CAPN13: variants seen among roughly 807,000 people sequenced by gnomAD.
CAPN13 encodes the protein calpain 13, also known as calpain-13.
CAPN13 carries 90 observed loss-of-function variants against 98.4 expected under a neutral mutation model. The observed-to-expected ratio is 0.92, with a 90% confidence interval of 0.77 to 1.09. The LOEUF is 1.09. CAPN13 is among the 50% of genes least tolerant of loss of function. CAPN13 has a pLI of 0.00. For missense variants in CAPN13, 887 were observed against 841.3 expected, an observed-to-expected ratio of 1.05 and a Z score of -0.67; for synonymous variants, 330 against 305.5, an observed-to-expected ratio of 1.08 and a Z score of -0.84.
At chr2:30,761,839 T>C (rs1056699362) in intron 7 of CAPN13, among the ~76,000 whole-genome samples, 17 of 152,040 alleles carry the variant, frequency 1.1e-4, no homozygotes, top group African/African-American at 4.1e-4. Flanking sequence ...CTCAGGTCCA[T>C]GGACAAGAGA....
In CAPN13 at chr2:30,738,413, C is replaced by T. The variant is rs1331164048; in HGVS notation, c.1581G>A (p.Gln527=). The T allele has an allele frequency of 1.2e-6, 2 of 1,608,752 alleles. No homozygotes were observed. Among genetic ancestry groups the T allele is most frequent in the Admixed American group, 3.4e-5 (2 of 59,196 alleles). Residue 527 remains glutamine, a synonymous_variant, in exon 16 of 23, where the codon CAG becomes CAA. Transcript: ENST00000295055. ...DATQLQGLLN[Q]ELLTGPPGDM... Reference sequence around the variant, plus strand: ...GGCTGCTCATACCTGTTAGAAGCTCCTGGTTGAGAAGGCCCTGAAGCTGGG... The same window carrying T: ...GGCTGCTCATACCTGTTAGAAGCTCTTGGTTGAGAAGGCCCTGAAGCTGGG...
intron 7 of CAPN13, among the ~76,000 whole-genome samples, chr2:30,759,019 TATTCTTCCTTCCCTCCCTCCCTCC>T: frequency 9.5e-6 from 1 of 104,904 alleles, no homozygotes; most frequent in Non-Finnish European, 1.9e-5. Flanking sequence ...TCCCTGCTCC[TATTCTTCCTTCCCTCCCTCCCTCC>T]TTCCTTCCTT....
intron 7 of CAPN13, among the ~76,000 whole-genome samples, chr2:30,760,542 G>C (rs1276790522): frequency 1.3e-5 from 2 of 152,210 alleles, no homozygotes; most frequent in Non-Finnish European, 2.9e-5. Flanking sequence ...ATCGCCGACT[G>C]AGCTAGGTGC....
intron 17 of CAPN13, chr2:30,738,028 T>G (rs146571194): frequency 5.3e-5 from 31 of 583,140 alleles, no homozygotes; most frequent in Middle Eastern, 4.8e-4. Flanking sequence ...GATCAGCACA[T>G]AGTAGGTGCT....
intron 22 of CAPN13, 41 bp from the exon 23 acceptor site, chr2:30,723,277 G>C (rs573420987): frequency 6.6e-6 from 1 of 152,482 alleles, no homozygotes; most frequent in Admixed American, 6.5e-5. Flanking sequence ...AGGGCCAAGG[G>C]TGAGTAAAGA....
intron 5 of CAPN13, among the ~76,000 whole-genome samples, chr2:30,768,984 C>A (rs1673249358): frequency 6.6e-6 from 1 of 151,926 alleles, no homozygotes; most frequent in Admixed American, 6.6e-5. Flanking sequence ...TGAAGGACAA[C>A]CTGACAATAC....
At chr2:30,791,750 A>C (rs1364452563) in intron 1 of CAPN13, among the ~76,000 whole-genome samples, 1 of 152,228 alleles carries the variant, frequency 6.6e-6, no homozygotes, top group African/African-American at 2.4e-5. Flanking sequence ...TCATCTGTCA[A>C]ATGGGAACAT....
chr2:30,738,354 C>T, intron 16 of CAPN13, 46 bp downstream of exon 16: 1 of 1,612,258 alleles, frequency 6.2e-7, no homozygotes, highest in African/African-American at 1.3e-5. Context: ...GTGGGGTTGC[C>T]AGCAGGGAGG....
intron 2 of CAPN13, among the ~76,000 whole-genome samples, chr2:30,779,195 C>G (rs912692186): frequency 6.6e-6 from 1 of 152,182 alleles, no homozygotes. Flanking sequence ...GTCCTGCTAG[C>G]TCCCCTCCAG....
intron 5 of CAPN13, among the ~76,000 whole-genome samples, chr2:30,769,620 C>T (rs1234382310): frequency 6.6e-6 from 1 of 152,186 alleles, no homozygotes; most frequent in Non-Finnish European, 1.5e-5. Context: ...TGGTTAAATG[C>T]TCAATAAACA....
At chr2:30,786,608 T>G (rs934563435) in intron 2 of CAPN13, among the ~76,000 whole-genome samples, 15 of 152,188 alleles carry the variant, frequency 9.9e-5, no homozygotes, top group African/African-American at 3.6e-4. Flanking sequence ...CTCTTACAGG[T>G]GGTCGAGCCT....
chr2:30,768,509 C>T lies in CAPN13; in HGVS notation c.524+1804G>A, dbSNP rs187245221. Among the ~76,000 whole-genome samples the T allele has an allele frequency of 2.9e-3, 442 of 152,318 alleles. 2 individuals carry two copies. The highest frequency in any genetic ancestry group is 0.01 in the African/African-American group (424 of 41,568). On this transcript the variant is annotated intron_variant, in intron 5 of 22. Transcript: ENST00000295055. The stretch of plus-strand genomic sequence containing the variant: ...AGCTGCAGCCAAACCAACGCCAGAG[C>T]CTTGCTCCAGCCCCTGGGGACCAGC...
At chr2:30,726,773 A>G (rs977577105) in intron 22 of CAPN13, among the ~76,000 whole-genome samples, 1 of 152,176 alleles carries the variant, frequency 6.6e-6, no homozygotes, top group Non-Finnish European at 1.5e-5. Flanking sequence ...TATTGTGAAG[A>G]TGGCAATATT....
intron 1 of CAPN13, among the ~76,000 whole-genome samples, chr2:30,799,746 ATGAAG>A (rs370621709): frequency 0.014 from 2,190 of 152,228 alleles, 55 homozygotes; most frequent in African/African-American, 0.05. Flanking sequence ...ATGAAATGAA[ATGAAG>A]GAAACCTCTC....
intron 2 of CAPN13, among the ~76,000 whole-genome samples, chr2:30,786,628 C>T (rs1050509890): frequency 5.3e-5 from 8 of 152,082 alleles, no homozygotes; most frequent in East Asian, 1.9e-4. Context: ...TCTCTAAGAT[C>T]GAGAATGGGA....
At chr2:30,758,327 G>C (rs1672566275) in intron 7 of CAPN13, among the ~76,000 whole-genome samples, 190 bp from the exon 8 acceptor site, 1 of 152,222 alleles carries the variant, frequency 6.6e-6, no homozygotes, top group African/African-American at 2.4e-5. Context: ...GTTGGAATGA[G>C]ATAGACAAGG....
At chr2:30,757,803 A>G (rs917736091) in intron 8 of CAPN13, among the ~76,000 whole-genome samples, 14 of 152,138 alleles carry the variant, frequency 9.2e-5, no homozygotes, top group Admixed American at 8.5e-4. Context: ...ATCCATATAT[A>G]CCTCACAACA....
chr2:30,745,403 C>T (rs1346808562), intron 12 of CAPN13: 2 of 533,776 alleles, frequency 3.7e-6, no homozygotes, highest in Admixed American at 4.9e-5. Context: ...CAAGGTACCC[C>T]TTAGTGCTGC....
At chr2:30,777,155 T>G (rs1398271063) in intron 3 of CAPN13, among the ~76,000 whole-genome samples, 1 of 152,202 alleles carries the variant, frequency 6.6e-6, no homozygotes, top group Non-Finnish European at 1.5e-5. Context: ...CCTGTTTCCC[T>G]GTCCATGCCC....
Sources: allele counts gnomAD v4.1 joint callset (sites outside exome capture counted in the v4.1 genomes callset), GRCh38; gene constraint gnomAD v4.1.1; transcripts MANE v1.5; gene names NCBI Gene and HGNC (gene_info 2026-07-23, HGNC 2026-07-21).